SGCG: variants seen among roughly 807,000 people sequenced by gnomAD.
SGCG encodes sarcoglycan gamma, also known as gamma-sarcoglycan.
SGCG carries 26 observed loss-of-function variants against 29.3 expected under a neutral mutation model. That is an observed-to-expected ratio of 0.89 (90% CI 0.65 to 1.23). The LOEUF (loss-of-function observed/expected upper bound fraction) is 1.23. SGCG is among the 50% of genes most tolerant of loss of function. The pLI, the probability that SGCG is intolerant of heterozygous loss-of-function variation, is 0.00. For synonymous variants in SGCG, 145 were observed against 129.7 expected (o/e 1.12, Z -0.80); for missense variants, 353 against 356.0 (o/e 0.99, Z 0.07).
At chr13:23,177,392 G>A (rs993386523), upstream of SGCG, among the ~76,000 whole-genome samples, 1 of 152,246 alleles carries the variant, frequency 6.6e-6, no homozygotes, top group South Asian at 2.1e-4. Flanking sequence ...AATTATAAAT[G>A]TTTGAGGTGA....
chr13:23,224,257 A>G (rs1423679844), intron 2 of SGCG, among the ~76,000 whole-genome samples: 1 of 152,208 alleles, frequency 6.6e-6, no homozygotes, highest in East Asian at 1.9e-4. Flanking sequence ...TTACTCCAAC[A>G]TATGTGTTAG....
At chr13:23,243,636 C>T (rs1393552787) in intron 3 of SGCG, 1 of 152,168 alleles carries the variant, frequency 6.6e-6, no homozygotes, top group African/African-American at 2.4e-5. Flanking sequence ...TCACCAGAAC[C>T]CTGTCCTCCC....
chr13:23,290,410 G>C (rs565182711), intron 5 of SGCG, among the ~76,000 whole-genome samples: 1 of 152,166 alleles, frequency 6.6e-6, no homozygotes, highest in South Asian at 2.1e-4. Flanking sequence ...CAGACAATGC[G>C]GTGGGAGGGA....
chr13:23,199,579 A>G (rs564567889), intron 1 of SGCG, among the ~76,000 whole-genome samples: 2 of 152,358 alleles, frequency 1.3e-5, no homozygotes, highest in South Asian at 4.1e-4. Context: ...TCAACTTTTT[A>G]GAGAAATATT....
rs147027964 is a variant in SGCG at position 23,204,631 on chromosome 13, C to A, written c.195+742C>A. Among the ~76,000 whole-genome samples, 277 of 149,656 alleles carry A rather than the reference C, an allele frequency of 1.9e-3. 3 individuals are homozygous for A. Among genetic ancestry groups the A allele is most frequent in the African/African-American group, 6.4e-3 (262 of 40,680 alleles). On this transcript the variant is annotated intron_variant, in intron 2 of 7. Coordinates refer to ENST00000218867, the MANE Select transcript of SGCG (RefSeq NM_000231.3). Reference sequence around the variant, plus strand: ...TTTCTTTCTTTTCTTTCTTTCCTTTCTTTCCTTTCTTTCTCTTCTTTCCCT... The same window carrying A: ...TTTCTTTCTTTTCTTTCTTTCCTTTATTTCCTTTCTTTCTCTTCTTTCCCT...
chr13:23,207,061 T>G (rs1467603895), intron 2 of SGCG, among the ~76,000 whole-genome samples: 1 of 152,202 alleles, frequency 6.6e-6, no homozygotes, highest in East Asian at 1.9e-4. Context: ...TTCCTGATTT[T>G]GAAATATATT....
intron 2 of SGCG, among the ~76,000 whole-genome samples, chr13:23,210,928 G>A (rs1260870925): frequency 4.0e-5 from 6 of 151,828 alleles, no homozygotes; most frequent in East Asian, 1.9e-4. Flanking sequence ...AACCATGTCC[G>A]AAAAAAGTCC....
chr13:23,301,250 G>GA (rs1276479754), intron 6 of SGCG, among the ~76,000 whole-genome samples: 1 of 151,656 alleles, frequency 6.6e-6, no homozygotes, highest in Non-Finnish European at 1.5e-5. Context: ...CTCAAATGAG[G>GA]AAAAAAATGA....
chr13:23,177,606 C>G (rs1218918231), upstream of SGCG, among the ~76,000 whole-genome samples: 1 of 116,414 alleles, frequency 8.6e-6, no homozygotes, highest in Non-Finnish European at 1.6e-5. Context: ...GAGTCTTGCT[C>G]TGTCACCCAG....
At chr13:23,294,426 C>T (rs984571731) in intron 5 of SGCG, among the ~76,000 whole-genome samples, 1 of 152,168 alleles carries the variant, frequency 6.6e-6, no homozygotes, top group African/African-American at 2.4e-5. Flanking sequence ...AGCACATTTT[C>T]CTGCTCCTGG....
intron 1 of SGCG, among the ~76,000 whole-genome samples, chr13:23,202,464 A>G (rs554838731): frequency 6.6e-6 from 1 of 152,310 alleles, no homozygotes; most frequent in African/African-American, 2.4e-5. Context: ...ACTTGCTGAT[A>G]TGGGGCTTGA....
At chr13:23,281,172 A>C (rs1881291274) in intron 5 of SGCG, among the ~76,000 whole-genome samples, 1 of 151,742 alleles carries the variant, frequency 6.6e-6, no homozygotes, top group Non-Finnish European at 1.5e-5. Flanking sequence ...CCATCTCTAC[A>C]AAAGAAAAAG....
At chr13:23,255,166 T>C (rs1880131563) in intron 4 of SGCG, among the ~76,000 whole-genome samples, 1 of 152,136 alleles carries the variant, frequency 6.6e-6, no homozygotes, top group Non-Finnish European at 1.5e-5. Context: ...ATCTTGAGCC[T>C]GGAAAAGCCA....
At chr13:23,299,223 G>A (rs138609441) in intron 6 of SGCG, among the ~76,000 whole-genome samples, 27 of 151,436 alleles carry the variant, frequency 1.8e-4, no homozygotes, top group African/African-American at 6.3e-4. Flanking sequence ...ACCACCCAGC[G>A]GATCCTTGAG....
chr13:23,208,241 A>G (rs2137507758), intron 2 of SGCG, among the ~76,000 whole-genome samples: 1 of 152,266 alleles, frequency 6.6e-6, no homozygotes, highest in Middle Eastern at 3.4e-3. Flanking sequence ...TAATTTTTCA[A>G]ATTAACAAAG....
chr13:23,210,486 T>A (rs989895400), intron 2 of SGCG, among the ~76,000 whole-genome samples: 1 of 152,058 alleles, frequency 6.6e-6, no homozygotes, highest in Non-Finnish European at 1.5e-5. Flanking sequence ...GGTCAGGAGA[T>A]CAAGACCATC....
chr13:23,231,760 T>C (rs939995499), intron 2 of SGCG, among the ~76,000 whole-genome samples: 9 of 152,160 alleles, frequency 5.9e-5, no homozygotes, highest in African/African-American at 1.9e-4. Flanking sequence ...AAACAGCAGT[T>C]GTCAACCTCT....
intron 6 of SGCG, among the ~76,000 whole-genome samples, chr13:23,311,268 C>T (rs1055104592): frequency 3.4e-4 from 52 of 152,136 alleles, no homozygotes; most frequent in African/African-American, 1.2e-3. Context: ...TAATGTTGGC[C>T]ATCTGCAGTT....
At chr13:23,172,018 G>T in the SGCG span, among the ~76,000 whole-genome samples, 1 of 152,324 alleles carries the variant, frequency 6.6e-6, no homozygotes, top group African/African-American at 2.4e-5. Flanking sequence ...CAGGTTTCCT[G>T]TAGTGGGAAG....
Sources: gnomAD v4.1 joint callset for allele counts (sites outside exome capture counted in the v4.1 genomes callset) on GRCh38, gnomAD v4.1.1 for gene constraint, MANE v1.5 for transcripts, NCBI Gene and HGNC (gene_info 2026-07-23, HGNC 2026-07-21) for gene names.